Variants in MORC1 observed in about 807,000 individuals in gnomAD.
The protein encoded by MORC1 is MORC family CW-type zinc finger 1, also known as MORC family CW-type zinc finger protein 1.
In MORC1, 59 loss-of-function variants were observed where a neutral mutation model predicts 134.9. The observed-to-expected ratio is 0.44, with a 90% CI of 0.35 to 0.54. The LOEUF is 0.54. Ranked by LOEUF, MORC1 falls within the 20% of genes least tolerant of loss-of-function variation. The probability of loss-of-function intolerance (pLI) is 0.00; values close to 1 mark genes in which losing one functional copy is unlikely to be tolerated. For missense variants in MORC1, 947 were observed against 1,134.5 expected, an observed-to-expected ratio of 0.83 and a Z score of 2.37; for synonymous variants, 395 against 391.7, an observed-to-expected ratio of 1.01 and a Z score of -0.10.
At chr3:108,989,874 G>A (rs1157825301) in intron 21 of MORC1, among the ~76,000 whole-genome samples, 2 of 152,114 alleles carry the variant, frequency 1.3e-5, no homozygotes, top group Admixed American at 6.6e-5. Context: ...TGCTGATATG[G>A]TTTGGCTGTG....
At chr3:109,091,525 G>A (rs1451733629) in intron 8 of MORC1, among the ~76,000 whole-genome samples, 1 of 151,932 alleles carries the variant, frequency 6.6e-6, no homozygotes, top group African/African-American at 2.4e-5. Flanking sequence ...TGATGGGGAG[G>A]AGACAGTAGG....
intron 17 of MORC1, among the ~76,000 whole-genome samples, chr3:109,011,179 C>T (rs1948672499): frequency 6.6e-6 from 1 of 152,160 alleles, no homozygotes; most frequent in Non-Finnish European, 1.5e-5. Context: ...TGTGCCACTG[C>T]ACTCCAGCAT....
rs140758271 is a variant in MORC1, at chr3:109,004,872, T to C, written c.2030A>G (p.Asn677Ser). ...TTGAGCTCTCCAGACAGTGGTAATATTAGCAATCTGACTTCTCTTTCAAAA... is the reference window on the plus strand; with the variant it reads ...TTGAGCTCTCCAGACAGTGGTAATACTAGCAATCTGACTTCTCTTTCAAAA... ...AERSQRSQIA[N>S]ITTVWRAQPT... Residue 677 changes from asparagine (N) to serine (S), a missense_variant, in exon 20 of 28, where the codon AAT becomes AGT. Coordinates refer to ENST00000232603, the MANE Select transcript of MORC1 (RefSeq NM_014429.4). 11 of 1,613,316 alleles carry C rather than the reference T, an allele frequency of 6.8e-6. No individual in the cohort carries two copies. The highest frequency in any genetic ancestry group is 9.3e-6 in the Non-Finnish European group (11 of 1,179,832).
At chr3:109,027,631 A>T (rs1293292027) in intron 17 of MORC1, 120 bp downstream of exon 17, 1 of 1,355,388 alleles carries the variant, frequency 7.4e-7, no homozygotes, top group African/African-American at 1.5e-5. Context: ...AAGATGTCAA[A>T]AAGGACAGGA....
At chr3:109,004,462 AATT>A (rs1559886148) in intron 20 of MORC1, among the ~76,000 whole-genome samples, 1 of 152,190 alleles carries the variant, frequency 6.6e-6, no homozygotes, top group Non-Finnish European at 1.5e-5. Flanking sequence ...ATGCCCATTC[AATT>A]GTAGGCATTA....
intron 8 of MORC1, among the ~76,000 whole-genome samples, chr3:109,090,170 G>T (rs375472806): frequency 6.6e-6 from 1 of 151,830 alleles, no homozygotes; most frequent in Non-Finnish European, 1.5e-5. Flanking sequence ...CCAAACCACA[G>T]GCCACCACTG....
intron 8 of MORC1, among the ~76,000 whole-genome samples, chr3:109,085,853 T>C (rs1158204686): frequency 1.3e-5 from 2 of 152,032 alleles, no homozygotes; most frequent in East Asian, 1.9e-4. Context: ...TAAGTGCCCA[T>C]AGTGGATGAA....
At chr3:109,082,565 G>T (rs1035169091) in intron 8 of MORC1, among the ~76,000 whole-genome samples, 1 of 152,032 alleles carries the variant, frequency 6.6e-6, no homozygotes, top group African/African-American at 2.4e-5. Context: ...AGTAATTAAA[G>T]AAATTTAATA....
At chr3:108,964,023 T>C (rs1947152131) in intron 26 of MORC1, among the ~76,000 whole-genome samples, 1 of 152,208 alleles carries the variant, frequency 6.6e-6, no homozygotes, top group Admixed American at 6.5e-5. Flanking sequence ...GGCCCACCAC[T>C]TGGGGCTGTC....
intron 14 of MORC1, among the ~76,000 whole-genome samples, chr3:109,052,450 G>A (rs1397836609): frequency 1.3e-5 from 2 of 152,274 alleles, no homozygotes; most frequent in East Asian, 3.9e-4. Flanking sequence ...TTTCTAACAA[G>A]TTCCAGGTGA....
chr3:109,084,751 C>A (rs145114130), intron 8 of MORC1, among the ~76,000 whole-genome samples: 3 of 152,022 alleles, frequency 2.0e-5, no homozygotes, highest in South Asian at 2.1e-4. Context: ...AAATACACTA[C>A]GAAATTATAG....
Position 108,958,875 on chromosome 3 carries a change from T to G in MORC1, c.*90A>C, listed in dbSNP as rs1947005855. 3 of 846,544 alleles carry G rather than the reference T, an allele frequency of 3.5e-6. No homozygotes were observed. The highest frequency in any genetic ancestry group is 1.8e-5 in the African/African-American group (1 of 56,008). The allele number at this position is 846,544 out of a possible 1,614,324, so 52.4% of individuals were successfully genotyped here. On this transcript the variant is annotated 3_prime_UTR_variant, in exon 28 of 28. Coordinates refer to ENST00000232603, the MANE Select transcript of MORC1 (RefSeq NM_014429.4). ...TTCTTATTGTTAAACAGAATAGACT[T>G]TACAGTAACAACAACAAAAAAGAAA...
At chr3:108,983,551 G>A (rs1259085493) in intron 23 of MORC1, among the ~76,000 whole-genome samples, 3 of 152,154 alleles carry the variant, frequency 2.0e-5, no homozygotes, top group African/African-American at 7.2e-5. Context: ...AAGAAGACAA[G>A]AAGGCCTCTA....
intron 15 of MORC1, among the ~76,000 whole-genome samples, chr3:109,033,861 T>C (rs758150223): frequency 6.6e-6 from 1 of 152,210 alleles, no homozygotes; most frequent in Non-Finnish European, 1.5e-5. Flanking sequence ...CTACAAGTAC[T>C]AATCTCATTT....
chr3:108,975,550 T>C (rs904845004), intron 24 of MORC1, among the ~76,000 whole-genome samples: 3 of 152,116 alleles, frequency 2.0e-5, no homozygotes, highest in African/African-American at 7.2e-5. Flanking sequence ...GAGGTCAGAT[T>C]GCCAGGGTTC....
chr3:109,090,216 CTT>C (rs1950688796), intron 8 of MORC1, among the ~76,000 whole-genome samples: 1 of 152,068 alleles, frequency 6.6e-6, no homozygotes, highest in African/African-American at 2.4e-5. Context: ...CTGAAATTCT[CTT>C]GACGTGATTG....
intron 8 of MORC1, among the ~76,000 whole-genome samples, chr3:109,072,523 C>T (rs1001743303): frequency 6.6e-5 from 10 of 152,162 alleles, no homozygotes; most frequent in Non-Finnish European, 1.5e-4. Context: ...ATGAAGCTAG[C>T]GCTCTCATCA....
At chr3:109,070,682 A>G (rs1950297963) in intron 8 of MORC1, among the ~76,000 whole-genome samples, 1 of 152,194 alleles carries the variant, frequency 6.6e-6, no homozygotes, top group Non-Finnish European at 1.5e-5. Flanking sequence ...ATGGGAAAAA[A>G]AAAAATGTGA....
intron 14 of MORC1, among the ~76,000 whole-genome samples, chr3:109,042,944 GGT>G (rs1001798342): frequency 1.3e-5 from 2 of 151,782 alleles, no homozygotes; most frequent in African/African-American, 2.4e-5. Flanking sequence ...GGGAGATGTT[GGT>G]AAAAGGATAC....
Sources: gnomAD v4.1 joint callset for allele counts (sites outside exome capture counted in the v4.1 genomes callset) on GRCh38, gnomAD v4.1.1 for gene constraint, MANE v1.5 for transcripts, NCBI Gene and HGNC (gene_info 2026-07-23, HGNC 2026-07-21) for gene names.